Variants in RBFOX1 observed in about 807,000 individuals in gnomAD.
RBFOX1 encodes RNA binding protein fox-1 homolog 1.
RBFOX1 carries 8 observed loss-of-function variants against 57.7 expected under a neutral mutation model. That is an observed-to-expected ratio of 0.14 (90% CI 0.08 to 0.25). The LOEUF is 0.25. Ranked by LOEUF, RBFOX1 falls within the 10% of genes least tolerant of loss-of-function variation. The pLI is 1.00. For synonymous variants in RBFOX1, 326 were observed against 222.4 expected (o/e 1.47, Z -4.15); for missense variants, 611 against 548.5 (o/e 1.11, Z -1.14).
intron 4 of RBFOX1, among the ~76,000 whole-genome samples, chr16:7,162,378 A>G (rs932707109): frequency 2.0e-5 from 3 of 152,072 alleles, no homozygotes; most frequent in African/African-American, 7.2e-5. Flanking sequence ...CAGTAATTCT[A>G]TAAATATAAT....
At chr16:5,505,643 C>T (rs554618241) in intron 2 of RBFOX1, among the ~76,000 whole-genome samples, 2 of 152,282 alleles carry the variant, frequency 1.3e-5, no homozygotes, top group Admixed American at 1.3e-4. Context: ...GTGCCTGTGT[C>T]TTATCACATA....
intron 2 of RBFOX1, among the ~76,000 whole-genome samples, chr16:5,556,607 A>G (rs1253592763): frequency 3.9e-5 from 6 of 152,240 alleles, no homozygotes; most frequent in Non-Finnish European, 2.9e-5. Context: ...GCTGAGCTGC[A>G]GAGGATGCCA....
At chr16:5,762,425 C>T (rs1567507638) in intron 3 of RBFOX1, among the ~76,000 whole-genome samples, 1 of 151,194 alleles carries the variant, frequency 6.6e-6, no homozygotes, top group Non-Finnish European at 1.5e-5. Flanking sequence ...GTCAGACAGT[C>T]TCATACCAGG....
At chr16:6,476,839 C>G (rs142935285) in intron 2 of RBFOX1, among the ~76,000 whole-genome samples, 2 of 152,178 alleles carry the variant, frequency 1.3e-5, no homozygotes, top group Admixed American at 1.3e-4. Flanking sequence ...GGAGTGAATC[C>G]TTTCAAACTT....
intron 3 of RBFOX1, among the ~76,000 whole-genome samples, chr16:6,752,866 C>A (rs929966753): frequency 2.6e-5 from 4 of 151,436 alleles, no homozygotes; most frequent in Non-Finnish European, 4.4e-5. Context: ...CCTCTCTGCT[C>A]ACATATTGCA....
intron 1 of RBFOX1, among the ~76,000 whole-genome samples, chr16:5,303,322 A>C (rs1256807573): frequency 1.3e-5 from 2 of 152,206 alleles, no homozygotes; most frequent in African/African-American, 2.4e-5. Context: ...TGAGCTGCAC[A>C]GGCAGAGGAT....
At chr16:6,609,177 A>G (rs2097997827) in intron 2 of RBFOX1, among the ~76,000 whole-genome samples, 1 of 152,146 alleles carries the variant, frequency 6.6e-6, no homozygotes, top group Non-Finnish European at 1.5e-5. Flanking sequence ...CAGGACAGAC[A>G]TGGACATCTT....
intron 4 of RBFOX1, among the ~76,000 whole-genome samples, chr16:7,470,661 C>T (rs368556067): frequency 2.6e-5 from 4 of 151,614 alleles, no homozygotes; most frequent in African/African-American, 7.3e-5. Context: ...GATGAGTGTA[C>T]GTATGTATGT....
chr16:7,358,776 G>A (rs1219961090), intron 4 of RBFOX1, among the ~76,000 whole-genome samples: 1 of 152,132 alleles, frequency 6.6e-6, no homozygotes, highest in Non-Finnish European at 1.5e-5. Context: ...GTACAGCAAT[G>A]TTTGTATGAC....
intron 1 of RBFOX1, among the ~76,000 whole-genome samples, chr16:6,171,615 C>T (rs1462001893): frequency 6.6e-6 from 1 of 152,062 alleles, no homozygotes; most frequent in African/African-American, 2.4e-5. Flanking sequence ...AAAAGCATAC[C>T]TGGATTTTCA....
chr16:6,150,520 G>C (rs567348311), intron 1 of RBFOX1, among the ~76,000 whole-genome samples: 1 of 151,814 alleles, frequency 6.6e-6, no homozygotes, highest in South Asian at 2.1e-4. Context: ...TGTTCTCTAT[G>C]TTTTCCTTCC....
At chr16:6,881,418 G>C (rs894955632) in intron 3 of RBFOX1, among the ~76,000 whole-genome samples, 5 of 152,316 alleles carry the variant, frequency 3.3e-5, no homozygotes, top group African/African-American at 1.2e-4. Context: ...GTGTTGGCAA[G>C]ATTGGTTCCT....
chr16:5,571,215 C>CTTTTTT lies in RBFOX1; in HGVS notation c.259-27669_259-27664dup, dbSNP rs34409151. On this transcript the variant is annotated intron_variant, in intron 2 of 2. Transcript: ENST00000585867. ...TGGTAGTGAAGTGACCCATCTTTGA[C>CTTTTTT]TTTTTTTTTTTTTTTTTTTTTTTGA... is the stretch of plus-strand genomic sequence containing the variant. Among the ~76,000 whole-genome samples the CTTTTTT allele has an allele frequency of 5.9e-4, 47 of 79,808 alleles. 1 individual carries two copies. Among genetic ancestry groups the CTTTTTT allele is most frequent in the East Asian group, 8.2e-4 (2 of 2,432 alleles). 52.4% of individuals were successfully genotyped at this position (79,808 alleles called of 152,430 possible). A position where few individuals can be genotyped will look rare whatever the true frequency, so the allele number is the denominator to read the frequency against.
intron 3 of RBFOX1, among the ~76,000 whole-genome samples, chr16:5,850,009 A>G (rs2056853178): frequency 6.6e-6 from 1 of 152,000 alleles, no homozygotes; most frequent in South Asian, 2.1e-4. Flanking sequence ...TCTCCTTCTA[A>G]TTAATTTTTG....
chr16:7,500,951 G>A (rs2070594416), intron 4 of RBFOX1, among the ~76,000 whole-genome samples: 1 of 152,132 alleles, frequency 6.6e-6, no homozygotes. Flanking sequence ...TTTATATGAG[G>A]CTTTCCCCCT....
chr16:6,471,754 A>G (rs2095179933), intron 2 of RBFOX1, among the ~76,000 whole-genome samples: 1 of 152,126 alleles, frequency 6.6e-6, no homozygotes, highest in African/African-American at 2.4e-5. Flanking sequence ...CTTCAAGGCA[A>G]AGGGATCTGG....
At chr16:5,445,008 C>G (rs2068198879) in intron 1 of RBFOX1, among the ~76,000 whole-genome samples, 1 of 152,186 alleles carries the variant, frequency 6.6e-6, no homozygotes, top group South Asian at 2.1e-4. Flanking sequence ...CCTCCTCCTC[C>G]TTCTGTTTTT....
intron 4 of RBFOX1, among the ~76,000 whole-genome samples, chr16:5,951,664 TGA>T (rs1363105081): frequency 2.0e-5 from 3 of 152,130 alleles, no homozygotes; most frequent in African/African-American, 7.2e-5. Flanking sequence ...CCTGCACTGC[TGA>T]GTCTCCCCTA....
chr16:5,624,297 C>G (rs1480738641), intron 3 of RBFOX1, among the ~76,000 whole-genome samples: 1 of 152,184 alleles, frequency 6.6e-6, no homozygotes, highest in Non-Finnish European at 1.5e-5. Context: ...TGGGTTCACA[C>G]CATTCTCCTG....
Sources: gnomAD v4.1 joint callset for allele counts (sites outside exome capture counted in the v4.1 genomes callset) on GRCh38, gnomAD v4.1.1 for gene constraint, MANE v1.5 for transcripts, NCBI Gene and HGNC (gene_info 2026-07-23, HGNC 2026-07-21) for gene names.